The following NLGN1 variants were observed in gnomAD, a reference collection of about 807,000 sequenced individuals.
NLGN1 encodes neuroligin-1.
In NLGN1, 12 loss-of-function variants were observed where a neutral mutation model predicts 65.5. The observed-to-expected ratio is 0.18, with a 90% confidence interval of 0.12 to 0.30. The LOEUF (loss-of-function observed/expected upper bound fraction) is 0.30. Among genes scored for constraint, NLGN1 ranks in the 10% least tolerant of loss-of-function variants. The probability of loss-of-function intolerance (pLI) is 1.00; values close to 1 mark genes in which losing one functional copy is unlikely to be tolerated. For missense variants in NLGN1, 750 were observed against 1,007.1 expected, an observed-to-expected ratio of 0.74 and a Z score of 3.46; for synonymous variants, 350 against 359.5, an observed-to-expected ratio of 0.97 and a Z score of 0.30.
At chr3:173,598,301 T>G (rs901666192) in intron 2 of NLGN1, among the ~76,000 whole-genome samples, 1 of 152,180 alleles carries the variant, frequency 6.6e-6, no homozygotes, top group Admixed American at 6.6e-5. Context: ...AAGTGCTATA[T>G]GCATCAATAG....
chr3:174,146,095 T>TCCTC (rs1006453049), intron 4 of NLGN1, among the ~76,000 whole-genome samples: 3 of 52,822 alleles, frequency 5.7e-5, no homozygotes, highest in Non-Finnish European at 9.8e-5. Flanking sequence ...TCTACTCTTT[T>TCCTC]CCTTCCTTCC....
chr3:173,760,197 C>T (rs1777768710), intron 3 of NLGN1, among the ~76,000 whole-genome samples: 1 of 151,960 alleles, frequency 6.6e-6, no homozygotes, highest in Non-Finnish European at 1.5e-5. Flanking sequence ...ACTTTGAGCA[C>T]ATCCTATCTC....
chr3:174,160,280 C>G (rs1726241358), intron 4 of NLGN1, among the ~76,000 whole-genome samples: 1 of 151,512 alleles, frequency 6.6e-6, no homozygotes, highest in Non-Finnish European at 1.5e-5. Context: ...TGGTTTTTTT[C>G]TCAGCCATTT....
intron 4 of NLGN1, among the ~76,000 whole-genome samples, chr3:174,210,170 C>G (rs1736190837): frequency 6.6e-6 from 1 of 152,162 alleles, no homozygotes; most frequent in African/African-American, 2.4e-5. Flanking sequence ...TCCTCCAACT[C>G]CATCCTCACT....
Position 173,800,306 on chromosome 3 carries a change from GAAAC to G in NLGN1, c.494-7372_494-7369del. ...TCTCAATCCTAGGTCCCCTTACAAA[GAAAC>G]AGACAGATGATTTAGGTGATAATGA... On this transcript the variant is annotated intron_variant, in intron 3 of 6. Coordinates refer to ENST00000457714, the Ensembl canonical transcript of NLGN1. The G allele has an allele frequency of 8.4e-7, 1 of 1,195,020 alleles. No individual in the cohort carries two copies. Among genetic ancestry groups the G allele is most frequent in the Non-Finnish European group, 1.1e-6 (1 of 930,158 alleles). The allele number at this position is 1,195,020 out of a possible 1,614,324, so 74.0% of individuals were successfully genotyped here.
intron 4 of NLGN1, among the ~76,000 whole-genome samples, chr3:174,101,644 T>A (rs1192899372): frequency 6.6e-6 from 1 of 152,238 alleles, no homozygotes; most frequent in Non-Finnish European, 1.5e-5. Flanking sequence ...CAGGACTGTA[T>A]ACCTCTTAAA....
intron 4 of NLGN1, among the ~76,000 whole-genome samples, chr3:174,018,573 T>C (rs1286852088): frequency 6.6e-6 from 1 of 152,178 alleles, no homozygotes; most frequent in Non-Finnish European, 1.5e-5. Context: ...GGTCCCTGAC[T>C]TCCTGCAACA....
intron 3 of NLGN1, among the ~76,000 whole-genome samples, chr3:173,789,425 A>G (rs2150358216): frequency 6.6e-6 from 1 of 152,114 alleles, no homozygotes; most frequent in East Asian, 1.9e-4. Flanking sequence ...TACACGTGAA[A>G]AGCCTTTGCA....
intron 2 of NLGN1, among the ~76,000 whole-genome samples, chr3:173,508,241 C>T (rs1442016610): frequency 1.3e-5 from 2 of 152,060 alleles, no homozygotes; most frequent in Non-Finnish European, 2.9e-5. Context: ...ATTAGCAATT[C>T]TTTTGTTTTA....
intron 3 of NLGN1, among the ~76,000 whole-genome samples, chr3:173,684,912 G>A (rs1035850327): frequency 6.6e-6 from 1 of 152,098 alleles, no homozygotes; most frequent in South Asian, 2.1e-4. Context: ...AATAATCCTT[G>A]CTCTACTTCT....
intron 2 of NLGN1, among the ~76,000 whole-genome samples, chr3:173,466,460 C>T (rs1724377006): frequency 6.6e-6 from 1 of 152,140 alleles, no homozygotes; most frequent in African/African-American, 2.4e-5. Context: ...GATAATACCA[C>T]TGGTGTAGAG....
Position 174,197,616 on chromosome 3 carries a change from G to A in NLGN1, c.647-77699G>A, listed in dbSNP as rs569521153. On this transcript the variant is annotated intron_variant, in intron 4 of 6. Coordinates refer to ENST00000457714, the Ensembl canonical transcript of NLGN1. ...AGGGAGGTGATTGGAACGCAGCCCT[G>A]CCAGTCTATGTTCAATGAGGACAAT... Among the ~76,000 whole-genome samples, 3 of 150,908 alleles carry A rather than the reference G, an allele frequency of 2.0e-5. No homozygotes were observed. In the South Asian group the frequency reaches 6.3e-4, roughly 32 times the overall value.
chr3:174,011,939 T>C (rs1184624685), intron 4 of NLGN1, among the ~76,000 whole-genome samples: 1 of 152,166 alleles, frequency 6.6e-6, no homozygotes, highest in East Asian at 1.9e-4. Context: ...CCAGATATTT[T>C]CAGCCTATAA....
chr3:174,032,966 T>C (rs1228798661), intron 4 of NLGN1, among the ~76,000 whole-genome samples: 1 of 151,282 alleles, frequency 6.6e-6, no homozygotes, highest in Non-Finnish European at 1.5e-5. Context: ...AATATATGTA[T>C]ATATATTTAG....
intron 3 of NLGN1, among the ~76,000 whole-genome samples, chr3:173,784,550 G>A (rs991134531): frequency 1.3e-5 from 2 of 152,094 alleles, no homozygotes; most frequent in Admixed American, 1.3e-4. Context: ...GGCAGAGAGC[G>A]AGAGGCAGAG....
At chr3:173,955,150 TAA>T (rs149269626) in intron 4 of NLGN1, among the ~76,000 whole-genome samples, 2,439 of 152,320 alleles carry the variant, frequency 0.016, 54 homozygotes, top group African/African-American at 0.056. Context: ...AGAATTATCA[TAA>T]GTCAGAAATA....
chr3:173,510,287 C>T lies in NLGN1; in HGVS notation c.-321+75209C>T, dbSNP rs1577038639. Among the ~76,000 whole-genome samples the T allele has an allele frequency of 3.9e-5, 6 of 152,326 alleles. No homozygotes were observed. In the South Asian group the frequency reaches 1.2e-3, roughly 32 times the overall value. ...TTGATATCACTCACCTGCCATTTAACTTAATACTGCACTCTTGGCAAGGGT... is the reference window on the plus strand; with the variant it reads ...TTGATATCACTCACCTGCCATTTAATTTAATACTGCACTCTTGGCAAGGGT... On this transcript the variant is annotated intron_variant, in intron 2 of 6. Transcript: ENST00000457714.
At chr3:173,693,301 A>C (rs1487225364) in intron 3 of NLGN1, among the ~76,000 whole-genome samples, 2 of 152,062 alleles carry the variant, frequency 1.3e-5, no homozygotes, top group Admixed American at 1.3e-4. Flanking sequence ...GAGGGACTGA[A>C]ATAAAATTTA....
intron 4 of NLGN1, among the ~76,000 whole-genome samples, chr3:174,120,785 G>GTAAAGT (rs1327360308): frequency 2.6e-5 from 4 of 152,124 alleles, no homozygotes; most frequent in South Asian, 2.1e-4. Flanking sequence ...CTCCCAAAAG[G>GTAAAGT]TAAAGTTTAA....
Sources: allele counts gnomAD v4.1 joint callset (sites outside exome capture counted in the v4.1 genomes callset), GRCh38; gene constraint gnomAD v4.1.1; transcripts MANE v1.5; gene names NCBI Gene and HGNC (gene_info 2026-07-23, HGNC 2026-07-21).